ENPP2: variants seen among roughly 807,000 people sequenced by gnomAD.
ENPP2 encodes the protein ectonucleotide pyrophosphatase/phosphodiesterase 2.
In ENPP2, 51 loss-of-function variants were observed where a neutral mutation model predicts 120.2. The ratio of observed to expected loss-of-function variants is 0.42; its 90% confidence interval spans 0.34 to 0.54. ENPP2 has a LOEUF of 0.54. ENPP2 is among the 20% of genes least tolerant of loss of function. The probability of loss-of-function intolerance (pLI) is 0.04; values close to 1 mark genes in which losing one functional copy is unlikely to be tolerated. For missense variants in ENPP2, 920 were observed against 1,066.5 expected (o/e 0.86, Z 1.91); for synonymous variants, 365 against 366.4 (o/e 1.00, Z 0.04).
intron 1 of ENPP2, among the ~76,000 whole-genome samples, chr8:119,658,221 CTTGT>C (rs1429211453): frequency 2.0e-5 from 3 of 152,110 alleles, no homozygotes; most frequent in Non-Finnish European, 4.4e-5. Flanking sequence ...GGTCCACGTG[CTTGT>C]TTGTTATGTG....
chr8:119,594,297 G>A lies in ENPP2; in HGVS notation c.973-437C>T, dbSNP rs148454927. On this transcript the variant is annotated intron_variant, in intron 11 of 24. Transcript: ENST00000075322. ...GCTGTTCTGAGGTTAAAATCACAAC[G>A]TTGCACTGGATAATAAATTAGAATA... Among the ~76,000 whole-genome samples, 251 of 152,248 alleles carry A rather than the reference G, an allele frequency of 1.6e-3. 2 individuals carry two copies. The East Asian group carries it at 0.029, about 18-fold the overall frequency.
chr8:119,648,530 G>A (rs1441377393), intron 1 of ENPP2, among the ~76,000 whole-genome samples: 2 of 152,164 alleles, frequency 1.3e-5, no homozygotes, highest in South Asian at 2.1e-4. Context: ...CCAAAAAGTT[G>A]AGATTTAACT....
upstream of ENPP2, chr8:119,638,923 T>C: frequency 1.0e-6 from 1 of 978,668 alleles, no homozygotes; most frequent in South Asian, 1.4e-5. Context: ...GTCCAGAGCT[T>C]GATTACATCA....
intron 1 of ENPP2, among the ~76,000 whole-genome samples, chr8:119,645,589 C>T (rs1025372656): frequency 6.6e-6 from 1 of 152,044 alleles, no homozygotes; most frequent in African/African-American, 2.4e-5. Context: ...CTTTGGGAGG[C>T]CGAGGCAGGT....
At chr8:119,612,997 A>T (rs7017581) in intron 8 of ENPP2, among the ~76,000 whole-genome samples, 1 of 152,024 alleles carries the variant, frequency 6.6e-6, no homozygotes, top group South Asian at 2.1e-4. Flanking sequence ...TGGGGTATTA[A>T]ACTTGTTTCT....
At chr8:119,575,293 T>C (rs1332661040) in intron 19 of ENPP2, among the ~76,000 whole-genome samples, 1 of 152,010 alleles carries the variant, frequency 6.6e-6, no homozygotes, top group South Asian at 2.1e-4. Context: ...TGGTCTCCAG[T>C]TGGGTGCTGG....
chr8:119,598,241 C>T (rs1814041676), intron 11 of ENPP2, among the ~76,000 whole-genome samples: 1 of 152,034 alleles, frequency 6.6e-6, no homozygotes, highest in Non-Finnish European at 1.5e-5. Flanking sequence ...TGAAAATATC[C>T]TTTGCCTTAT....
chr8:119,574,185 C>A (rs568328878), intron 19 of ENPP2, among the ~76,000 whole-genome samples: 5 of 152,044 alleles, frequency 3.3e-5, no homozygotes, highest in Admixed American at 2.0e-4. Flanking sequence ...AGAGTCATAG[C>A]CTGACTCTCC....
chr8:119,618,955 G>C (rs973129630), intron 5 of ENPP2, among the ~76,000 whole-genome samples: 1 of 152,120 alleles, frequency 6.6e-6, no homozygotes, highest in African/African-American at 2.4e-5. Context: ...GTCTTAGCCA[G>C]AATATTCAGA....
At chr8:119,668,396 T>A (rs547493581) in intron 1 of ENPP2, among the ~76,000 whole-genome samples, 4 of 150,846 alleles carry the variant, frequency 2.7e-5, no homozygotes, top group South Asian at 2.1e-4. Context: ...TGTTCTATAC[T>A]TTTTTTTTCT....
chr8:119,638,295 G>C lies in ENPP2; in HGVS notation c.136+130C>G, dbSNP rs1354729134. On this transcript the variant is annotated intron_variant, in intron 2 of 24. Transcript: ENST00000075322. ...TTATACACATAGGTGGTTTTACCCA[G>C]AGAAATTTAGGACTAACTTAGTTAT... 10 of 586,760 alleles carry C rather than the reference G, an allele frequency of 1.7e-5. No homozygotes were observed. The Admixed American group carries it at 2.7e-4, about 16-fold the overall frequency. The allele number at this position is 586,760 out of a possible 1,614,324, so 36.3% of individuals were successfully genotyped here. A position where few individuals can be genotyped will look rare whatever the true frequency, so the allele number is the denominator to read the frequency against.
chr8:119,601,384 G>C lies in ENPP2; in HGVS notation c.899+13C>G. On this transcript the variant is annotated intron_variant, in intron 10 of 24. Transcript: ENST00000075322. ...AAATGTACTGAAGAAAGAAGAAAGAGAGAAATAAATACCTCTCATGATCTG... is the reference window on the plus strand; with the variant it reads ...AAATGTACTGAAGAAAGAAGAAAGACAGAAATAAATACCTCTCATGATCTG... 6.4e-7 allele frequency: 1 copy of C among 1,550,988 alleles called. No homozygotes were observed. The highest frequency in any genetic ancestry group is 8.9e-7 in the Non-Finnish European group (1 of 1,122,784).
intron 24 of ENPP2, among the ~76,000 whole-genome samples, chr8:119,561,865 GCA>G (rs1813973854): frequency 1.3e-5 from 2 of 152,102 alleles, no homozygotes; most frequent in South Asian, 4.1e-4. Context: ...ATGGCTGGGT[GCA>G]GTGGCTCACG....
At chr8:119,568,401 T>C in intron 21 of ENPP2, 149 bp from the exon 22 acceptor site, 1 of 590,882 alleles carries the variant, frequency 1.7e-6, no homozygotes. Context: ...CCTAACTGCG[T>C]TATACAACAT....
rs927455080 is a variant in ENPP2, at chr8:119,569,101, C to G, written c.2053+134G>C. On this transcript the variant is annotated intron_variant, in intron 21 of 24. Transcript: ENST00000075322. ...CTTTTTGGCTGATTTTGGAAGGATCCCATAAAAATTCATTTAGATAATCTT... is the reference window on the plus strand; with the variant it reads ...CTTTTTGGCTGATTTTGGAAGGATCGCATAAAAATTCATTTAGATAATCTT... 2.6e-5 allele frequency: 21 copies of G among 803,628 alleles called. 1 individual carries two copies. Among genetic ancestry groups the G allele is most frequent in the Non-Finnish European group, 3.9e-5 (20 of 515,562 alleles). The allele number at this position is 803,628 out of a possible 1,614,324, so 49.8% of individuals were successfully genotyped here.
At chr8:119,645,992 G>A (rs996315950) in intron 1 of ENPP2, among the ~76,000 whole-genome samples, 6 of 150,880 alleles carry the variant, frequency 4.0e-5, no homozygotes, top group Non-Finnish European at 5.9e-5. Flanking sequence ...TTTTGAGATG[G>A]AGTTTCACTC....
intron 2 of ENPP2, among the ~76,000 whole-genome samples, chr8:119,630,883 T>TC (rs1242214793): frequency 6.6e-6 from 1 of 151,726 alleles, no homozygotes; most frequent in African/African-American, 2.4e-5. Flanking sequence ...AGCTGCTATC[T>TC]CTTTTTTTTT....
chr8:119,605,864 G>T (rs938802385), intron 9 of ENPP2, among the ~76,000 whole-genome samples: 1 of 152,116 alleles, frequency 6.6e-6, no homozygotes, highest in Non-Finnish European at 1.5e-5. Context: ...AGCCAAGCTG[G>T]GATGAGAATC....
intron 2 of ENPP2, among the ~76,000 whole-genome samples, chr8:119,634,795 G>C (rs985128800): frequency 1.1e-4 from 17 of 152,066 alleles, no homozygotes; most frequent in African/African-American, 4.1e-4. Flanking sequence ...CAAAAATCTA[G>C]GCTGAAGTTC....
Sources: gnomAD v4.1 joint callset for allele counts (sites outside exome capture counted in the v4.1 genomes callset) on GRCh38, gnomAD v4.1.1 for gene constraint, MANE v1.5 for transcripts, NCBI Gene and HGNC (gene_info 2026-07-23, HGNC 2026-07-21) for gene names.